C8orf34: variants seen among roughly 807,000 people sequenced by gnomAD.
C8orf34 encodes uncharacterized protein C8orf34.
C8orf34 carries 65 observed loss-of-function variants against 68.3 expected under a neutral mutation model. The observed-to-expected ratio is 0.95, with a 90% confidence interval of 0.78 to 1.17. The LOEUF (loss-of-function observed/expected upper bound fraction) is 1.17. Among genes scored for constraint, C8orf34 ranks in the 50% most tolerant of loss-of-function variants. The pLI is 0.00. For synonymous variants in C8orf34, 244 were observed against 241.2 expected (o/e 1.01, Z -0.11); for missense variants, 664 against 655.4 (o/e 1.01, Z -0.14).
chr8:68,606,055 G>A (rs577350310), intron 7 of C8orf34, among the ~76,000 whole-genome samples: 1 of 152,076 alleles, frequency 6.6e-6, no homozygotes, highest in Non-Finnish European at 1.5e-5. Flanking sequence ...TATGAAAAAC[G>A]TGAAATTCCT....
At chr8:68,383,526 A>G (rs1808132178) in intron 1 of C8orf34, among the ~76,000 whole-genome samples, 1 of 152,138 alleles carries the variant, frequency 6.6e-6, no homozygotes, top group African/African-American at 2.4e-5. Flanking sequence ...CTGCTGGGAG[A>G]AAGTATACTC....
Position 68,815,909 on chromosome 8 carries a change from G to A in C8orf34, c.1573G>A (p.Val525Ile), listed in dbSNP as rs190887237. The A allele has an allele frequency of 3.7e-5, 59 of 1,613,664 alleles. No individual in the cohort carries two copies. The highest frequency in any genetic ancestry group is 1.7e-4 in the Middle Eastern group (1 of 6,060). Residue 525 changes from valine (V) to isoleucine (I), a missense_variant, in exon 13 of 14, where the codon GTT (valine) becomes ATT (isoleucine). Coordinates refer to ENST00000518698, the MANE Select transcript of C8orf34 (RefSeq NM_052958.4). ...EKRSADLLLC[V>I]PCSSCPTLVY... ...AGGTTCCGCTGATCTTCTTCTTTGC[G>A]TTCCATGCTCTTCTTGTCCTACGCT...
intron 7 of C8orf34, among the ~76,000 whole-genome samples, chr8:68,562,192 G>A (rs1816452085): frequency 6.6e-6 from 1 of 152,154 alleles, no homozygotes. Flanking sequence ...CACAATGTCA[G>A]GACAGCTATG....
intron 7 of C8orf34, chr8:68,534,998 A>G: frequency 1.0e-6 from 1 of 985,402 alleles, no homozygotes; most frequent in African/African-American, 1.7e-5. Context: ...TTCTTCATGT[A>G]ATTCCACATA....
At chr8:68,764,887 T>C (rs181109685) in intron 10 of C8orf34, among the ~76,000 whole-genome samples, 1 of 152,364 alleles carries the variant, frequency 6.6e-6, no homozygotes, top group Admixed American at 6.5e-5. Context: ...AACTTATTTG[T>C]ATATGAAGCC....
chr8:68,572,234 GACACACACAC>G (rs36042681), intron 7 of C8orf34, among the ~76,000 whole-genome samples: 6 of 145,212 alleles, frequency 4.1e-5, no homozygotes, highest in African/African-American at 1.2e-4. Context: ...TGACTGTATA[GACACACACAC>G]ACACACACAC....
At chr8:68,405,914 A>G (rs756606234) in intron 1 of C8orf34, among the ~76,000 whole-genome samples, 26 of 152,184 alleles carry the variant, frequency 1.7e-4, no homozygotes, top group Admixed American at 9.8e-4. Context: ...GTTTTAGGCC[A>G]TGAAAAAGTA....
chr8:68,812,379 T>C (rs935197709), intron 12 of C8orf34, among the ~76,000 whole-genome samples: 31 of 152,172 alleles, frequency 2.0e-4, no homozygotes, highest in African/African-American at 6.3e-4. Flanking sequence ...TTTTGAAATG[T>C]TGACTAAGTA....
At chr8:68,723,910 A>G (rs947585666) in intron 10 of C8orf34, among the ~76,000 whole-genome samples, 4 of 152,134 alleles carry the variant, frequency 2.6e-5, no homozygotes, top group Non-Finnish European at 5.9e-5. Flanking sequence ...TGCTTCCCCA[A>G]TGCAAAAGTT....
chr8:68,495,075 C>A (rs1813471129), intron 5 of C8orf34, among the ~76,000 whole-genome samples: 1 of 151,610 alleles, frequency 6.6e-6, no homozygotes, highest in Non-Finnish European at 1.5e-5. Context: ...CCGGAGGTCT[C>A]AATAGCGAAG....
At chr8:68,433,637 T>C (rs1586131985) in intron 1 of C8orf34, among the ~76,000 whole-genome samples, 1 of 152,232 alleles carries the variant, frequency 6.6e-6, no homozygotes, top group Admixed American at 6.5e-5. Flanking sequence ...CCTGAAGTCA[T>C]TGAAACCTTA....
chr8:68,473,004 T>C (rs1812446616), intron 4 of C8orf34, among the ~76,000 whole-genome samples: 1 of 152,154 alleles, frequency 6.6e-6, no homozygotes, highest in African/African-American at 2.4e-5. Flanking sequence ...CCCTTGAGAT[T>C]AACTCCAGAC....
chr8:68,526,411 T>A (rs2129740386), intron 6 of C8orf34, among the ~76,000 whole-genome samples: 1 of 152,300 alleles, frequency 6.6e-6, no homozygotes, highest in Non-Finnish European at 1.5e-5. Context: ...TGGATAAGAC[T>A]GACATGACAA....
At chr8:68,810,925 C>T (rs2953963) in intron 12 of C8orf34, among the ~76,000 whole-genome samples, 15,458 of 152,210 alleles carry the variant, frequency 0.1, 1,018 homozygotes, top group Middle Eastern at 0.15. Context: ...TAAGTTCTCA[C>T]TCTGGTCTGC....
chr8:68,493,858 C>G (rs1813414203), intron 5 of C8orf34, among the ~76,000 whole-genome samples: 1 of 152,184 alleles, frequency 6.6e-6, no homozygotes, highest in South Asian at 2.1e-4. Flanking sequence ...CCTTCAGATT[C>G]AGACACTGAA....
chr8:68,562,799 C>A (rs114421067), intron 7 of C8orf34, among the ~76,000 whole-genome samples: 2 of 152,142 alleles, frequency 1.3e-5, no homozygotes, highest in African/African-American at 2.4e-5. Flanking sequence ...TTAAGTGGTA[C>A]GACTTGTTCT....
chr8:68,467,855 A>T lies in C8orf34; in HGVS notation c.608-837A>T, dbSNP rs112015010. 8.6e-3 allele frequency among the ~76,000 whole-genome samples: 1,306 copies of T among 152,030 alleles called. 19 individuals are homozygous for T. Among genetic ancestry groups the T allele is most frequent in the African/African-American group, 0.03 (1,256 of 41,506 alleles). ...GTTGCCTTTGAGAAGTCTGGTGTCA[A>T]TTTGATTTGCTATTTTTGCCCCTGA... is the stretch of plus-strand genomic sequence containing the variant. On this transcript the variant is annotated intron_variant, in intron 3 of 13. Transcript: ENST00000518698.
intron 4 of C8orf34, among the ~76,000 whole-genome samples, chr8:68,469,408 A>T (rs537174275): frequency 3.8e-4 from 58 of 152,170 alleles, no homozygotes; most frequent in African/African-American, 1.0e-3. Flanking sequence ...GCTCATCTCC[A>T]AAGCAGAAAG....
At chr8:68,424,886 T>TGA (rs1225701551) in intron 1 of C8orf34, among the ~76,000 whole-genome samples, 2 of 151,926 alleles carry the variant, frequency 1.3e-5, no homozygotes, top group African/African-American at 2.4e-5. Flanking sequence ...GGTGACAGAG[T>TGA]GAGACTCCAT....
Sources: allele counts gnomAD v4.1 joint callset (sites outside exome capture counted in the v4.1 genomes callset), GRCh38; gene constraint gnomAD v4.1.1; transcripts MANE v1.5; gene names NCBI Gene and HGNC (gene_info 2026-07-23, HGNC 2026-07-21).